SUZ12: variants seen among roughly 807,000 people sequenced by gnomAD.
The protein encoded by SUZ12 is polycomb protein SUZ12.
In SUZ12, 17 loss-of-function variants were observed where a neutral mutation model predicts 87.3. The ratio of observed to expected loss-of-function variants is 0.19; its 90% CI spans 0.13 to 0.29. The LOEUF (loss-of-function observed/expected upper bound fraction) is 0.29. Among genes scored for constraint, SUZ12 ranks in the 10% least tolerant of loss-of-function variants. The pLI, the probability that SUZ12 is intolerant of heterozygous loss-of-function variation, is 1.00. For missense variants in SUZ12, 526 were observed against 912.2 expected (o/e 0.58, Z 5.45); for synonymous variants, 253 against 312.4 (o/e 0.81, Z 2.01).
At chr17:31,959,962 C>T (rs1189511882) in intron 4 of SUZ12, among the ~76,000 whole-genome samples, 3 of 139,012 alleles carry the variant, frequency 2.2e-5, no homozygotes, top group Non-Finnish European at 4.4e-5. Context: ...CATAGATGAA[C>T]TAAGTTTCTT....
chr17:31,963,019 C>G (rs75048009), intron 4 of SUZ12, among the ~76,000 whole-genome samples: 26,096 of 149,532 alleles, frequency 0.17, no homozygotes, highest in African/African-American at 0.32. Context: ...ATTTATGGAA[C>G]TTCTTCTAGA....
At chr17:31,961,153 C>G (rs550739095) in intron 4 of SUZ12, among the ~76,000 whole-genome samples, 1 of 151,826 alleles carries the variant, frequency 6.6e-6, no homozygotes, top group South Asian at 2.1e-4. Flanking sequence ...GCAGAAGTTA[C>G]AGTGAGCCGA....
chr17:31,976,980 A>G (rs1034239527), intron 8 of SUZ12, among the ~76,000 whole-genome samples: 21 of 152,238 alleles, frequency 1.4e-4, no homozygotes, highest in Non-Finnish European at 2.4e-4. Flanking sequence ...TCACTTAGTG[A>G]TGAGTGTTGT....
chr17:31,969,759 A>T (rs546413250), intron 5 of SUZ12, among the ~76,000 whole-genome samples: 2 of 152,272 alleles, frequency 1.3e-5, no homozygotes, highest in East Asian at 3.9e-4. Context: ...ATGTACCAGG[A>T]GCAGTGATGC....
intron 10 of SUZ12, among the ~76,000 whole-genome samples, chr17:31,990,224 C>T (rs1160999718): frequency 5.4e-5 from 8 of 146,876 alleles, no homozygotes; most frequent in Admixed American, 1.4e-4. Flanking sequence ...CTGCCTGCCT[C>T]GGCCTCCCAA....
At chr17:31,978,954 A>C (rs1908916070) in intron 8 of SUZ12, among the ~76,000 whole-genome samples, 2 of 151,706 alleles carry the variant, frequency 1.3e-5, no homozygotes, top group African/African-American at 2.4e-5. Flanking sequence ...AAAAATACAA[A>C]AATTAGCTGG....
intron 7 of SUZ12, among the ~76,000 whole-genome samples, 199 bp from the exon 8 acceptor site, chr17:31,976,322 G>C (rs1357309754): frequency 6.6e-6 from 1 of 152,202 alleles, no homozygotes; most frequent in Non-Finnish European, 1.5e-5. Context: ...CAAAGATGTG[G>C]GGTTAATGTT....
intron 8 of SUZ12, among the ~76,000 whole-genome samples, chr17:31,981,649 GA>G (rs1445186794): frequency 6.6e-6 from 1 of 151,360 alleles, no homozygotes; most frequent in Non-Finnish European, 1.5e-5. Flanking sequence ...ATGTACTATT[GA>G]AGTTGACTAA....
chr17:31,964,769 C>T (rs1325927299), intron 4 of SUZ12, among the ~76,000 whole-genome samples: 2 of 152,032 alleles, frequency 1.3e-5, no homozygotes, highest in African/African-American at 2.4e-5. Flanking sequence ...AGATATCCCC[C>T]CATCTTCCAT....
intron 4 of SUZ12, among the ~76,000 whole-genome samples, chr17:31,951,785 T>G (rs1013938625): frequency 1.7e-4 from 26 of 150,160 alleles, no homozygotes; most frequent in Non-Finnish European, 3.4e-4. Context: ...CTTTTTTTTT[T>G]TTTTTTTGAG....
rs575599037 is a variant in SUZ12 at position 31,965,883 on chromosome 17, G to C, written c.456-264G>C. On this transcript the variant is annotated intron_variant, in intron 4 of 15. Transcript: ENST00000322652. ...GGTAGTCTGATTTTTTTCTGCCTTG[G>C]TCTGGTGTTTTTGTGGTTTTGTTCT... 8 of 301,926 alleles carry C rather than the reference G, an allele frequency of 2.6e-5. No individual in the cohort carries two copies. The South Asian group carries it at 4.5e-4, about 17-fold the overall frequency. The allele number at this position is 301,926 out of a possible 1,614,324, so 18.7% of individuals were successfully genotyped here. A position where few individuals can be genotyped will look rare whatever the true frequency, so the allele number is the denominator to read the frequency against.
chr17:31,978,468 C>G (rs984827493), intron 8 of SUZ12, among the ~76,000 whole-genome samples: 2 of 152,144 alleles, frequency 1.3e-5, no homozygotes, highest in Non-Finnish European at 2.9e-5. Context: ...CTCAGCCTCC[C>G]AAAGTGCTGG....
At chr17:31,944,480 T>G (rs1906497398) in intron 3 of SUZ12, among the ~76,000 whole-genome samples, 1 of 152,200 alleles carries the variant, frequency 6.6e-6, no homozygotes, top group Admixed American at 6.5e-5. Flanking sequence ...GTTTATTAAT[T>G]TGTCCCATTG....
chr17:31,938,864 T>G (rs893531465), intron 1 of SUZ12, among the ~76,000 whole-genome samples: 1 of 152,176 alleles, frequency 6.6e-6, no homozygotes, highest in African/African-American at 2.4e-5. Context: ...CTCAGGGAAG[T>G]CAAGTGTCAT....
Position 31,997,400 on chromosome 17 carries a change from T to C in SUZ12, c.1874+523T>C, listed in dbSNP as rs920331631. On this transcript the variant is annotated intron_variant, in intron 15 of 15. Transcript: ENST00000322652. ...TTATAGAGCTGGGTACAGTGGCTCA[T>C]GCCTGTAATCCCAGTACTTTGGGAG... Among the ~76,000 whole-genome samples the C allele has an allele frequency of 2.0e-5, 3 of 152,120 alleles. No individual in the cohort carries two copies. In the South Asian group the frequency reaches 6.2e-4, roughly 32 times the overall value.
In SUZ12 at chr17:31,994,557, G is replaced by A; in HGVS notation, c.1438-7G>A. The A allele has an allele frequency of 6.4e-7, 1 of 1,564,828 alleles. No individual in the cohort carries two copies. The highest frequency in any genetic ancestry group is 8.6e-7 in the Non-Finnish European group (1 of 1,158,930). On this transcript the variant is annotated splice_polypyrimidine_tract_variant and splice_region_variant and intron_variant, in intron 12 of 15. Coordinates refer to ENST00000322652, the MANE Select transcript of SUZ12 (RefSeq NM_015355.4). ...AATATATTTTTTTTTTTACATTTTT[G>A]TTGCAGTATCATCCAAAAGGTGCTA...
At chr17:31,996,334 G>A (rs924746663) in intron 14 of SUZ12, among the ~76,000 whole-genome samples, 1 of 152,046 alleles carries the variant, frequency 6.6e-6, no homozygotes, top group African/African-American at 2.4e-5. Flanking sequence ...TTTAAATGAC[G>A]GCAGGTGTGC....
intron 9 of SUZ12, among the ~76,000 whole-genome samples, chr17:31,985,158 C>CA (rs34227080): frequency 0.023 from 1,671 of 71,120 alleles, 13 homozygotes; most frequent in African/African-American, 0.037. Flanking sequence ...GACTCTGTCT[C>CA]AAAAAAAAAA....
At chr17:31,953,716 T>A (rs1330799342) in intron 4 of SUZ12, among the ~76,000 whole-genome samples, 1 of 149,808 alleles carries the variant, frequency 6.7e-6, no homozygotes, top group African/African-American at 2.5e-5. Flanking sequence ...CCTCAATTTT[T>A]TTTTTTTTTT....
Sources: gnomAD v4.1 joint callset for allele counts (sites outside exome capture counted in the v4.1 genomes callset) on GRCh38, gnomAD v4.1.1 for gene constraint, MANE v1.5 for transcripts, NCBI Gene and HGNC (gene_info 2026-07-23, HGNC 2026-07-21) for gene names.